Variants in ITGA8 observed in about 807,000 individuals in gnomAD.
ITGA8 encodes integrin alpha-8.
In ITGA8, 91 loss-of-function variants were observed where a neutral mutation model predicts 142.3. That is an observed-to-expected ratio of 0.64 (90% CI 0.54 to 0.76). The LOEUF is 0.76. Ranked by LOEUF, ITGA8 falls within the 30% of genes least tolerant of loss-of-function variation. The pLI, the probability that ITGA8 is intolerant of heterozygous loss-of-function variation, is 0.00. For missense variants in ITGA8, 1,406 were observed against 1,327.7 expected (o/e 1.06, Z -0.92); for synonymous variants, 505 against 485.2 (o/e 1.04, Z -0.54).
chr10:15,675,015 T>TA (rs937330193), intron 6 of ITGA8, among the ~76,000 whole-genome samples: 1 of 152,006 alleles, frequency 6.6e-6, no homozygotes, highest in Non-Finnish European at 1.5e-5. Flanking sequence ...TTTCTTCCAT[T>TA]AAAAAAATTC....
intron 2 of ITGA8, among the ~76,000 whole-genome samples, chr10:15,707,830 A>C (rs1835288035): frequency 6.6e-6 from 1 of 151,958 alleles, no homozygotes; most frequent in Admixed American, 6.6e-5. Flanking sequence ...CTAAAAAAAA[A>C]AAAAAGGAAA....
At chr10:15,584,456 T>C (rs1213156212) in intron 23 of ITGA8, among the ~76,000 whole-genome samples, 2 of 152,330 alleles carry the variant, frequency 1.3e-5, no homozygotes, top group East Asian at 3.9e-4. Flanking sequence ...TACCATTTCT[T>C]GTCCACCAGA....
intron 4 of ITGA8, 86 bp downstream of exon 4, chr10:15,683,918 A>T: frequency 6.7e-7 from 1 of 1,491,754 alleles, no homozygotes; most frequent in East Asian, 2.3e-5. Flanking sequence ...TAAGTTATCA[A>T]TGGTGTTTTG....
In ITGA8 at chr10:15,514,636, C is replaced by G. The variant is rs1456721254; in HGVS notation, c.*2522G>C. ...CAGGCTGGTCTTGAACTCCTGAACTCAGGTGATCTGCCCGTCTCGGCCTCC... is the reference window on the plus strand; with the variant it reads ...CAGGCTGGTCTTGAACTCCTGAACTGAGGTGATCTGCCCGTCTCGGCCTCC... On this transcript the variant is annotated 3_prime_UTR_variant, in exon 30 of 30. Transcript: ENST00000378076. 1 of 152,270 alleles carries G rather than the reference C, an allele frequency of 6.6e-6. No individual in the cohort carries two copies. The highest frequency in any genetic ancestry group is 1.5e-5 in the Non-Finnish European group (1 of 68,118). The allele number at this position is 152,270 out of a possible 1,614,324, so 9.4% of individuals were successfully genotyped here.
At chr10:15,531,291 T>G in intron 27 of ITGA8, 140 bp from the exon 28 acceptor site, 1 of 457,030 alleles carries the variant, frequency 2.2e-6, no homozygotes, top group Non-Finnish European at 3.8e-6. Flanking sequence ...TCTTTTAACT[T>G]TTTTTTCCTC....
chr10:15,623,107 T>C (rs1407691402), intron 13 of ITGA8, among the ~76,000 whole-genome samples: 1 of 151,702 alleles, frequency 6.6e-6, no homozygotes, highest in Non-Finnish European at 1.5e-5. Flanking sequence ...GAGGATATGT[T>C]GGACAGTTGT....
At chr10:15,661,893 A>G (rs1376854694) in intron 8 of ITGA8, among the ~76,000 whole-genome samples, 1 of 152,188 alleles carries the variant, frequency 6.6e-6, no homozygotes, top group Non-Finnish European at 1.5e-5. Context: ...CCAGTTTTCA[A>G]TAATCTTTAT....
chr10:15,577,986 T>G (rs1834331437), intron 23 of ITGA8, among the ~76,000 whole-genome samples: 1 of 152,162 alleles, frequency 6.6e-6, no homozygotes, highest in Non-Finnish European at 1.5e-5. Flanking sequence ...AATTGTAGAT[T>G]CATATGTAGT....
At chr10:15,595,151 G>T (rs954358636) in intron 21 of ITGA8, among the ~76,000 whole-genome samples, 3 of 152,228 alleles carry the variant, frequency 2.0e-5, no homozygotes, top group Admixed American at 2.0e-4. Flanking sequence ...TTAAAAATCA[G>T]AAGTAAAACT....
At chr10:15,563,168 C>T (rs188333888) in intron 25 of ITGA8, among the ~76,000 whole-genome samples, 21 of 152,190 alleles carry the variant, frequency 1.4e-4, no homozygotes, top group Admixed American at 3.3e-4. Context: ...AAGCAGTTGC[C>T]AGCTCCATGC....
At chr10:15,607,228 G>T (rs1013164423) in intron 17 of ITGA8, among the ~76,000 whole-genome samples, 5 of 152,132 alleles carry the variant, frequency 3.3e-5, no homozygotes, top group African/African-American at 1.2e-4. Context: ...ATTGTAAAAA[G>T]ACATTACTTT....
At chr10:15,645,111 A>G (rs963591511) in intron 12 of ITGA8, among the ~76,000 whole-genome samples, 2 of 151,236 alleles carry the variant, frequency 1.3e-5, no homozygotes, top group Admixed American at 1.3e-4. Flanking sequence ...AAAAAAAAAA[A>G]AAAAAAGATG....
intron 8 of ITGA8, among the ~76,000 whole-genome samples, chr10:15,665,970 T>C (rs2131678213): frequency 6.6e-6 from 1 of 152,392 alleles, no homozygotes; most frequent in South Asian, 2.1e-4. Flanking sequence ...AGCTTTGTTC[T>C]TTTGGTTTAG....
chr10:15,534,140 C>T (rs1833369392), intron 27 of ITGA8, among the ~76,000 whole-genome samples: 1 of 151,902 alleles, frequency 6.6e-6, no homozygotes, highest in Non-Finnish European at 1.5e-5. Context: ...GAACTCCTGA[C>T]CTCAAGTGAT....
In ITGA8 at chr10:15,555,824, G is replaced by T. The variant is rs541530196; in HGVS notation, c.2766+2250C>A. ...CATTCTCCTGCCTCAGCCTCCCGAGGAGCTGGGACTACAGGCACCCACCAC... is the reference window on the plus strand; with the variant it reads ...CATTCTCCTGCCTCAGCCTCCCGAGTAGCTGGGACTACAGGCACCCACCAC... On this transcript the variant is annotated intron_variant, in intron 26 of 29. Transcript: ENST00000378076. Among the ~76,000 whole-genome samples, 10 of 150,512 alleles carry T rather than the reference G, an allele frequency of 6.6e-5. No individual in the cohort carries two copies. The East Asian group carries it at 1.4e-3, about 21-fold the overall frequency.
chr10:15,572,150 G>T, intron 25 of ITGA8, 61 bp downstream of exon 25: 1 of 1,379,134 alleles, frequency 7.3e-7, no homozygotes. Context: ...AGCCCAGTTT[G>T]TATTTTTTTC....
chr10:15,671,197 C>A (rs2039909), intron 8 of ITGA8, among the ~76,000 whole-genome samples: 1 of 151,798 alleles, frequency 6.6e-6, no homozygotes, highest in African/African-American at 2.4e-5. Flanking sequence ...GAGGAAAAAG[C>A]AAGTAAGGTT....
At chr10:15,664,284 T>C (rs1489006360) in intron 8 of ITGA8, among the ~76,000 whole-genome samples, 1 of 152,190 alleles carries the variant, frequency 6.6e-6, no homozygotes, top group African/African-American at 2.4e-5. Flanking sequence ...CGTTACAATA[T>C]ACTGCCTTTT....
At chr10:15,570,965 G>A (rs895487920) in intron 25 of ITGA8, among the ~76,000 whole-genome samples, 1 of 152,068 alleles carries the variant, frequency 6.6e-6, no homozygotes, top group African/African-American at 2.4e-5. Context: ...TTATTTAAAT[G>A]TTATACATTT....
Sources: allele counts gnomAD v4.1 joint callset (sites outside exome capture counted in the v4.1 genomes callset), GRCh38; gene constraint gnomAD v4.1.1; transcripts MANE v1.5; gene names NCBI Gene and HGNC (gene_info 2026-07-23, HGNC 2026-07-21).